Variants in CUL7 observed in about 807,000 individuals in gnomAD.
The protein encoded by CUL7 is cullin 7.
In CUL7, 96 loss-of-function variants were observed where a neutral mutation model predicts 177.7. The ratio of observed to expected loss-of-function variants is 0.54; its 90% confidence interval spans 0.46 to 0.64. CUL7 has a LOEUF of 0.64. Ranked by LOEUF, CUL7 falls within the 30% of genes least tolerant of loss-of-function variation. CUL7 has a pLI of 0.00. For missense variants in CUL7, 1,893 were observed against 2,187.9 expected (o/e 0.87, Z 2.69); for synonymous variants, 824 against 890.2 (o/e 0.93, Z 1.32).
rs1485497078 is a variant in CUL7, at chr6:43,046,321, G to C, written c.2575C>G (p.His859Asp). The C allele has an allele frequency of 1.2e-6, 2 of 1,614,190 alleles. No individual in the cohort carries two copies. ...GACTCCCAATAGGTCTTGGGGTTGT[G>C]GTCCGTCAGCTTGCTGGCCCGGTGC... is the stretch of plus-strand genomic sequence containing the variant. ...NPHRASKLTDHNPKTYWESNG... is the reference protein window; with the variant it reads ...NPHRASKLTDDNPKTYWESNG... The change falls in exon 12 of 26, where the codon CAC (histidine) becomes GAC (aspartate). Residue 859 changes from histidine to aspartate, a missense_variant. His to Asp is a moderately conservative substitution (Grantham distance 81). Coordinates refer to ENST00000265348, the MANE Select transcript of CUL7 (RefSeq NM_014780.5).
In CUL7 at chr6:43,047,007, T is replaced by C. The variant is rs560989431; in HGVS notation, c.2270A>G (p.Lys757Arg). ...CTTTCCCAGGTGCTTTTCCAGGGCC[T>C]TGGAGATAGCGTCTCTTGCTCCCAG... Reference protein sequence around the residue: ...NQLGARDAISKALEKHLGKLE... With the variant: ...NQLGARDAISRALEKHLGKLE... The change falls in exon 10 of 26, where the codon AAG becomes AGG. Residue 757 changes from lysine (K) to arginine (R), a missense_variant. Transcript: ENST00000265348. 2.5e-6 allele frequency: 4 copies of C among 1,612,558 alleles called. No individual in the cohort carries two copies. Among genetic ancestry groups the C allele is most frequent in the East Asian group, 4.5e-5 (2 of 44,860 alleles).
Position 43,037,862 on chromosome 6 carries a change from G to C in CUL7, c.4923C>G (p.Pro1641=). 2 of 1,613,730 alleles carry C rather than the reference G, an allele frequency of 1.2e-6. No individual in the cohort carries two copies. Among genetic ancestry groups the C allele is most frequent in the Middle Eastern group, 3.3e-4 (2 of 6,062 alleles). The change falls in exon 26 of 26, where the codon CCC becomes CCG. Residue 1641 remains proline, a synonymous_variant. Transcript: ENST00000265348. ...KGTLRRHDDR[P]QVLSYAVPVT... ...CAGGGACTGCATAGGACAGCACCTG[G>C]GGCCGGTCGTCATGGCGTCTCAGCG... is the stretch of plus-strand genomic sequence containing the variant.
At chr6:43,041,541 C>T (rs7744819) in intron 19 of CUL7, among the ~76,000 whole-genome samples, 41,231 of 151,894 alleles carry the variant, frequency 0.27, 8,491 homozygotes, top group African/African-American at 0.58. Flanking sequence ...AGGTTGAGGC[C>T]GCAGTGAGCT....
At position 43,040,240 on chromosome 6, in the gene CUL7, T is replaced by C. The variant is rs778144828; in HGVS notation, c.4210A>G (p.Ile1404Val). 20 of 1,614,078 alleles carry C rather than the reference T, an allele frequency of 1.2e-5. No individual in the cohort carries two copies. Among genetic ancestry groups the C allele is most frequent in the East Asian group, 8.9e-5 (4 of 44,888 alleles). ...LSRHSWPVAS[I>V]CHTLNPRTCL... is the part of the protein sequence containing the mutation. ...GTTCTGGGGTTCAGTGTGTGGCAGATTGAGGCAACAGGCCAGGAGTGTCGG... is the reference window on the plus strand; with the variant it reads ...GTTCTGGGGTTCAGTGTGTGGCAGACTGAGGCAACAGGCCAGGAGTGTCGG... The change falls in exon 22 of 26, where the codon ATC becomes GTC. Residue 1404 changes from isoleucine to valine, a missense_variant. Transcript: ENST00000265348. This position sits in a 1 kb window ranked among gnomAD's most constrained non-coding sequence, Gnocchi z 4.2.
chr6:43,043,722 T>C lies in CUL7; in HGVS notation c.3173-92A>G, dbSNP rs963749860. 50 of 841,146 alleles carry C rather than the reference T, an allele frequency of 5.9e-5. 1 individual carries two copies. The Admixed American group carries it at 9.6e-4, about 16-fold the overall frequency. 52.1% of individuals were successfully genotyped at this position (841,146 alleles called of 1,614,324 possible). A position where few individuals can be genotyped will look rare whatever the true frequency, so the allele number is the denominator to read the frequency against. ...AACAGGAGTGTGGAGATAGAGCAAC[T>C]GGACGGAATGATACAAGGAAGGGGG... On this transcript the variant is annotated intron_variant, in intron 16 of 25. Coordinates refer to ENST00000265348, the MANE Select transcript of CUL7 (RefSeq NM_014780.5). The surrounding 1 kb of genome is among the most constrained non-coding windows in gnomAD (Gnocchi z 4.2).
chr6:43,052,039 C>A lies in CUL7; in HGVS notation c.580+170G>T, dbSNP rs1434645455. ...TAGTCTTTCCTCTTTTGGCAGATAA[C>A]CCCCACCCTCACTCCCATGCCCACC... On this transcript the variant is annotated intron_variant, in intron 2 of 25. Transcript: ENST00000265348. This position sits in a 1 kb window ranked among gnomAD's most constrained non-coding sequence, Gnocchi z 4.5. 6.3e-6 allele frequency: 8 copies of A among 1,265,184 alleles called. No individual in the cohort carries two copies. The Admixed American group carries it at 9.1e-5, about 14-fold the overall frequency. 78.4% of individuals were successfully genotyped at this position (1,265,184 alleles called of 1,614,324 possible). A position where few individuals can be genotyped will look rare whatever the true frequency, so the allele number is the denominator to read the frequency against.
At position 43,049,450 on chromosome 6, in the gene CUL7, C is replaced by T. The variant is rs369092411; in HGVS notation, c.1782G>A (p.Ala594=). 29 of 1,614,098 alleles carry T rather than the reference C, an allele frequency of 1.8e-5. No homozygotes were observed. Among genetic ancestry groups the T allele is most frequent in the African/African-American group, 1.2e-4 (9 of 74,928 alleles). The change falls in exon 7 of 26, where the codon GCG becomes GCA. Residue 594 remains alanine, a synonymous_variant. Transcript: ENST00000265348. ...EAQEDVLLLD[A]QAQAKDSEDA... is the part of the protein sequence containing the mutation. Reference sequence around the variant, plus strand: ...CTTCTGAGTCCTTAGCCTGGGCCTGCGCGTCTAGCAGGAGGACATCTTCTT... The same window carrying T: ...CTTCTGAGTCCTTAGCCTGGGCCTGTGCGTCTAGCAGGAGGACATCTTCTT...
At chr6:43,048,073 G>A in intron 9 of CUL7, 75 bp downstream of exon 9, 2 of 917,488 alleles carry the variant, frequency 2.2e-6, no homozygotes, top group South Asian at 1.4e-5. Flanking sequence ...CCAGAGCCTT[G>A]CCCAGCAGGT....
rs754165540 is a variant in CUL7, at chr6:43,038,489, T to C, written c.4568-17A>G. 1.9e-6 allele frequency: 3 copies of C among 1,613,974 alleles called. No homozygotes were observed. Among genetic ancestry groups the C allele is most frequent in the Non-Finnish European group, 1.7e-6 (2 of 1,179,898 alleles). On this transcript the variant is annotated splice_polypyrimidine_tract_variant and intron_variant, in intron 24 of 25. Coordinates refer to ENST00000265348, the MANE Select transcript of CUL7 (RefSeq NM_014780.5). ...TGAGGACCCCTGAAATAAATGCTGA[T>C]CACTCACTCAGTGGAGAGCCCACGA...
Position 43,048,257 on chromosome 6 carries a change from G to A in CUL7, c.2064-4C>T, listed in dbSNP as rs551324059. The A allele has an allele frequency of 3.1e-6, 5 of 1,612,136 alleles. No homozygotes were observed. The South Asian group carries it at 5.5e-5, about 18-fold the overall frequency. On this transcript the variant is annotated splice_region_variant and splice_polypyrimidine_tract_variant and intron_variant, in intron 8 of 25. Transcript: ENST00000265348. The stretch of plus-strand genomic sequence containing the variant: ...GTCCACCAGCTGCTTCAGGATTCTG[G>A]GGGCAGAGAAATGTGTAGCCAGCCT...
At position 43,052,522 on chromosome 6, in the gene CUL7, G is replaced by A. The variant is rs201158458; in HGVS notation, c.267C>T (p.Ile89=). Reference sequence around the variant, plus strand: ...CCCCTGCAGACTCCTGGGAGGGCCCGATGACCTGGCCATCCTCGCCCAGCA... The same window carrying A: ...CCCCTGCAGACTCCTGGGAGGGCCCAATGACCTGGCCATCCTCGCCCAGCA... ...HKMLGEDGQV[I]GPSQESAGEV... Residue 89 remains isoleucine (I), a synonymous_variant, in exon 2 of 26, where the codon ATC becomes ATT. Coordinates refer to ENST00000265348, the MANE Select transcript of CUL7 (RefSeq NM_014780.5). This position sits in a 1 kb window ranked among gnomAD's most constrained non-coding sequence, Gnocchi z 4.5. 40 of 1,614,218 alleles carry A rather than the reference G, an allele frequency of 2.5e-5. No homozygotes were observed. Among genetic ancestry groups the A allele is most frequent in the African/African-American group, 8.0e-5 (6 of 75,076 alleles).
intron 22 of CUL7, among the ~76,000 whole-genome samples, chr6:43,039,203 T>C (rs913337678): frequency 6.6e-5 from 10 of 152,220 alleles, no homozygotes; most frequent in African/African-American, 2.2e-4. Flanking sequence ...ATCCTATGCC[T>C]AGCCTGGTGC....
In CUL7 at chr6:43,045,657, C is replaced by T. The variant is rs555999464; in HGVS notation, c.2792G>A (p.Arg931Gln). Residue 931 changes from arginine to glutamine, a missense_variant, in exon 14 of 26, where the codon CGG becomes CAG. Arg to Gln is a conservative substitution (Grantham distance 43). Coordinates refer to ENST00000265348, the MANE Select transcript of CUL7 (RefSeq NM_014780.5). This position sits in a 1 kb window ranked among gnomAD's most constrained non-coding sequence, Gnocchi z 4.8. ...NSVNVMPSAS[R>Q]VILLENLTRF... ...GGTCAGGTTCTCCAGGAGGATCACC[C>T]GGCTGGCAGAGGGCATCACATTCAC... The T allele has an allele frequency of 1.1e-5, 17 of 1,614,204 alleles. No individual in the cohort carries two copies. The highest frequency in any genetic ancestry group is 5.0e-5 in the Admixed American group (3 of 60,032).
chr6:43,048,766 CTTTT>C (rs61207524), intron 7 of CUL7, among the ~76,000 whole-genome samples, 197 bp from the exon 8 acceptor site: 17 of 144,454 alleles, frequency 1.2e-4, no homozygotes, highest in African/African-American at 4.0e-4. Flanking sequence ...ATTTTATATT[CTTTT>C]TTTTTTTTTT....
chr6:43,038,247 T>C lies in CUL7; in HGVS notation c.4773+20A>G. ...AACCCCAGCAAAGATCTGTCACCCA[T>C]TGTGCCCACCCCTGCCTACCAGACA... On this transcript the variant is annotated intron_variant, in intron 25 of 25. Transcript: ENST00000265348. The C allele has an allele frequency of 1.2e-6, 2 of 1,613,430 alleles. No individual in the cohort carries two copies. Among genetic ancestry groups the C allele is most frequent in the Non-Finnish European group, 1.7e-6 (2 of 1,179,640 alleles).
rs946063204 is a variant in CUL7, at chr6:43,038,957, G to A, written c.4325C>T (p.Ser1442Leu). 3.1e-6 allele frequency: 5 copies of A among 1,612,994 alleles called. No individual in the cohort carries two copies. The highest frequency in any genetic ancestry group is 1.1e-5 in the South Asian group (1 of 91,066). Reference sequence around the variant, plus strand: ...CCACGTCCACTGCAGTCGCCTCTGTGAGCCTCGCTCAAGGGCAGGGTGGCT... The same window carrying A: ...CCACGTCCACTGCAGTCGCCTCTGTAAGCCTCGCTCAAGGGCAGGGTGGCT... ...SQSHPALERG[S>L]QRRLQWTWLG... is the part of the protein sequence containing the mutation. The change falls in exon 23 of 26, where the codon TCA becomes TTA. Residue 1442 changes from serine to leucine, a missense_variant. Ser to Leu is a moderately radical substitution (Grantham distance 145). Coordinates refer to ENST00000265348, the MANE Select transcript of CUL7 (RefSeq NM_014780.5).
chr6:43,052,407 A>C lies in CUL7; in HGVS notation c.382T>G (p.Cys128Gly), dbSNP rs1581966677. 6.2e-7 allele frequency: 1 copy of C among 1,613,466 alleles called. No individual in the cohort carries two copies. Among genetic ancestry groups the C allele is most frequent in the Non-Finnish European group, 8.5e-7 (1 of 1,179,820 alleles). The part of the protein sequence containing the change: ...IQRALRQLEE[C>G]VGTIPPAPLL... ...GGAGCAGGAGGGATAGTGCCCACACACTCCTCCAGCTGCCGAAGGGCTCTC... is the reference window on the plus strand; with the variant it reads ...GGAGCAGGAGGGATAGTGCCCACACCCTCCTCCAGCTGCCGAAGGGCTCTC... The change falls in exon 2 of 26, where the codon TGT becomes GGT. Residue 128 changes from cysteine to glycine, a missense_variant. Cys to Gly is a radical substitution (Grantham distance 159). Around this residue, in one of 5 missense-constraint regions of CUL7, gnomAD observed 653 missense variants for 725.2 expected, o/e 0.90. Coordinates refer to ENST00000265348, the MANE Select transcript of CUL7 (RefSeq NM_014780.5). This position sits in a 1 kb window ranked among gnomAD's most constrained non-coding sequence, Gnocchi z 4.5.
rs1764312159 is a variant in CUL7, at chr6:43,050,577, C to G, written c.1234-179G>C. Among the ~76,000 whole-genome samples, 1 of 148,544 alleles carries G rather than the reference C, an allele frequency of 6.7e-6. No individual in the cohort carries two copies. The highest frequency in any genetic ancestry group is 6.8e-5 in the Admixed American group (1 of 14,808). On this transcript the variant is annotated intron_variant, in intron 4 of 25. Transcript: ENST00000265348. This position sits in a 1 kb window ranked among gnomAD's most constrained non-coding sequence, Gnocchi z 4.1. ...ACACACACACACACACACACACACA[C>G]ACACACACACACACACACACACACA...
chr6:43,048,208 G>A lies in CUL7; in HGVS notation c.2109C>T (p.Pro703=), dbSNP rs1335442421. The change falls in exon 9 of 26, where the codon CCC becomes CCT. Residue 703 remains proline (P), a synonymous_variant. Transcript: ENST00000265348. ...TGCAGGCATCCACGGCCTCGTGCCA[G>A]GGGAGCAGCAGTGCCTCGGGGAAGT... ...LVDFPEALLL[P]WHEAVDACMA... is the part of the protein sequence containing the mutation. The A allele has an allele frequency of 6.2e-7, 1 of 1,613,932 alleles. No homozygotes were observed. The highest frequency in any genetic ancestry group is 1.3e-5 in the African/African-American group (1 of 74,910).
Sources: gnomAD v4.1 joint callset for allele counts (sites outside exome capture counted in the v4.1 genomes callset) on GRCh38, gnomAD v4.1.1 for gene constraint, gnomAD v4.1.1 regional missense constraint, Gnocchi (gnomAD v3.1) non-coding constraint, MANE v1.5 for transcripts, NCBI Gene and HGNC (gene_info 2026-07-23, HGNC 2026-07-21) for gene names.